Variants in ZNF518A observed in about 807,000 individuals in gnomAD.
The protein encoded by ZNF518A is zinc finger protein 518.
Under a neutral mutation model 102.7 loss-of-function variants are expected in ZNF518A, and 47 were observed. The ratio of observed to expected loss-of-function variants is 0.46; its 90% CI spans 0.36 to 0.58. ZNF518A has a LOEUF of 0.58. ZNF518A is among the 20% of genes least tolerant of loss of function. The pLI is 0.00. For missense variants in ZNF518A, 1,793 were observed against 1,699.8 expected (o/e 1.05, Z -0.96); for synonymous variants, 652 against 594.6 (o/e 1.10, Z -1.40).
intron 1 of ZNF518A, chr10:96,197,121 G>C (rs1554894903): frequency 3.5e-6 from 5 of 1,417,898 alleles, no homozygotes; most frequent in Non-Finnish European, 4.8e-6. Flanking sequence ...ATTTCTACAG[G>C]TTCAAAAAAT....
At chr10:96,197,149 C>A in intron 1 of ZNF518A, 1 of 991,826 alleles carries the variant, frequency 1.0e-6, no homozygotes, top group Non-Finnish European at 1.5e-6. Context: ...TGAAGAACAC[C>A]TATATTACAT....
downstream of ZNF518A, among the ~76,000 whole-genome samples, chr10:96,166,126 G>A (rs782725238): frequency 6.6e-6 from 1 of 152,170 alleles, no homozygotes; most frequent in African/African-American, 2.4e-5. Flanking sequence ...AGGCGTGGGG[G>A]GAGGAAGTTA....
intron 1 of ZNF518A, among the ~76,000 whole-genome samples, chr10:96,184,401 G>A (rs2083258516): frequency 6.6e-6 from 1 of 152,152 alleles, no homozygotes; most frequent in African/African-American, 2.4e-5. Context: ...TAGCATCTAT[G>A]GTCTTTACAA....
chr10:96,132,671 G>A lies in ZNF518A; in HGVS notation c.-368+1G>A, dbSNP rs2081397044. ...GTGCCTTTTGTTCCTGAAGAAAGAG[G>A]TATGGTAAAGATTGAAATACTGGAG... On this transcript the variant is annotated splice_donor_variant, in intron 2 of 5. Transcript: ENST00000316045. LOFTEE classifies it low-confidence loss of function (5UTR_SPLICE). 1 of 151,896 alleles carries A rather than the reference G, an allele frequency of 6.6e-6. No homozygotes were observed. The highest frequency in any genetic ancestry group is 2.4e-5 in the African/African-American group (1 of 41,370). 9.4% of individuals were successfully genotyped at this position (151,896 alleles called of 1,614,324 possible).
At chr10:96,187,974 T>C (rs1223221451) in intron 1 of ZNF518A, among the ~76,000 whole-genome samples, 1 of 152,120 alleles carries the variant, frequency 6.6e-6, no homozygotes, top group African/African-American at 2.4e-5. Context: ...GCCTCCTGAG[T>C]AGTAGCTGAA....
Position 96,161,340 on chromosome 10 carries a change from C to A in ZNF518A, c.*566C>A, listed in dbSNP as rs1427786927. On this transcript the variant is annotated 3_prime_UTR_variant, in exon 6 of 6. Coordinates refer to ENST00000316045, the MANE Select transcript of ZNF518A (RefSeq NM_001330736.2). ...TAACTCACTACAGTTACACCTCATA[C>A]AATGCTTGAAGAGTTTTTGGCAAGT... The A allele has an allele frequency of 2.4e-5, 4 of 166,958 alleles. No homozygotes were observed. The highest frequency in any genetic ancestry group is 6.5e-5 in the Admixed American group (1 of 15,270). The allele number at this position is 166,958 out of a possible 1,614,324, so 10.3% of individuals were successfully genotyped here.
chr10:96,197,086 C>A (rs2083486568), intron 1 of ZNF518A: 3 of 1,588,906 alleles, frequency 1.9e-6, no homozygotes, highest in African/African-American at 2.7e-5. Flanking sequence ...TTTTAAAAAA[C>A]ATAATTATGG....
chr10:96,152,315 T>C (rs1167398030), intron 3 of ZNF518A, among the ~76,000 whole-genome samples: 7 of 152,086 alleles, frequency 4.6e-5, no homozygotes, highest in African/African-American at 1.4e-4. Flanking sequence ...TGTCTCAAAA[T>C]AAATAAGTAA....
upstream of ZNF518A, chr10:96,129,941 G>T (rs2081235007): frequency 6.5e-6 from 1 of 152,700 alleles, no homozygotes; most frequent in South Asian, 2.1e-4. Flanking sequence ...GCCTAGTCTC[G>T]TCAGACCGAG....
intron 3 of ZNF518A, among the ~76,000 whole-genome samples, chr10:96,145,715 A>G (rs1180060249): frequency 6.6e-6 from 1 of 152,186 alleles, no homozygotes; most frequent in Non-Finnish European, 1.5e-5. Flanking sequence ...TCTGTTTTAT[A>G]CTGGCAGCAA....
At position 96,160,406 on chromosome 10, in the gene ZNF518A, A is replaced by G; in HGVS notation, c.4084A>G (p.Ser1362Gly). The change falls in exon 6 of 6, where the codon AGT becomes GGT. Residue 1362 changes from serine (S) to glycine (G), a missense_variant. By Grantham distance (56) the Ser-to-Gly change is moderately conservative. This residue lies in a region of ZNF518A where 1,741 missense variants were observed against 1,622.6 expected (regional missense o/e 1.07). Transcript: ENST00000316045. ...TGACGCAGATGCACCAGAAGTAGTA[A>G]GTGTAATGAAAACTATTGCTAAATT... ...HPDADAPEVV[S>G]VMKTIAKFNG... 2.5e-6 allele frequency: 4 copies of G among 1,613,146 alleles called. No individual in the cohort carries two copies. The highest frequency in any genetic ancestry group is 2.5e-6 in the Non-Finnish European group (3 of 1,179,530).
At chr10:96,167,030 A>T (rs782488731), downstream of ZNF518A, among the ~76,000 whole-genome samples, 4 of 152,242 alleles carry the variant, frequency 2.6e-5, no homozygotes, top group Non-Finnish European at 4.4e-5. Flanking sequence ...GTTACCTAAA[A>T]TGTCCAGTTT....
Position 96,158,313 on chromosome 10 carries a change from A to G in ZNF518A, c.1991A>G (p.Gln664Arg), listed in dbSNP as rs1313236339. Residue 664 changes from glutamine to arginine, a missense_variant, in exon 6 of 6, where the codon CAA (glutamine) becomes CGA (arginine). Transcript: ENST00000316045. ...GGAACAGCAGTGTATGAAAACCCTCAAAGAGAATCTTCATCCAGCAAAACA... is the reference window on the plus strand; with the variant it reads ...GGAACAGCAGTGTATGAAAACCCTCGAAGAGAATCTTCATCCAGCAAAACA... ...FSGTAVYENPQRESSSSKTVV... is the reference protein window; with the variant it reads ...FSGTAVYENPRRESSSSKTVV... The G allele has an allele frequency of 1.2e-6, 2 of 1,613,636 alleles. No homozygotes were observed. Among genetic ancestry groups the G allele is most frequent in the Admixed American group, 1.7e-5 (1 of 59,986 alleles).
intron 1 of ZNF518A, chr10:96,199,427 T>C: frequency 2.4e-6 from 1 of 422,280 alleles, no homozygotes; most frequent in Non-Finnish European, 4.8e-6. Context: ...AAATAGCCTG[T>C]CACTGTTCAC....
At chr10:96,138,678 G>A (rs1230442512) in intron 3 of ZNF518A, among the ~76,000 whole-genome samples, 2 of 151,988 alleles carry the variant, frequency 1.3e-5, no homozygotes, top group Non-Finnish European at 2.9e-5. Flanking sequence ...TGTTACCTCC[G>A]TGAGGGGAGG....
chr10:96,152,358 G>C (rs2082490213), intron 3 of ZNF518A, among the ~76,000 whole-genome samples: 1 of 152,186 alleles, frequency 6.6e-6, no homozygotes, highest in South Asian at 2.1e-4. Flanking sequence ...GTAGAGATTG[G>C]ACTGTAGTAA....
In ZNF518A at chr10:96,158,419, T is replaced by C; in HGVS notation, c.2097T>C (p.Ser699=). The change falls in exon 6 of 6, where the codon TCT becomes TCC. Residue 699 remains serine, a synonymous_variant. Coordinates refer to ENST00000316045, the MANE Select transcript of ZNF518A (RefSeq NM_001330736.2). The part of the protein sequence containing the change: ...ESSKPDSLLA[S]ISLLNDKDGT... The stretch of plus-strand genomic sequence containing the variant: ...CAAAACCAGATAGCCTATTAGCATC[T>C]ATTAGCCTTTTAAATGATAAAGATG... 1 of 1,613,442 alleles carries C rather than the reference T, an allele frequency of 6.2e-7. No individual in the cohort carries two copies. Among genetic ancestry groups the C allele is most frequent in the Non-Finnish European group, 8.5e-7 (1 of 1,179,704 alleles).
rs2082982511 is a variant in ZNF518A at position 96,161,110 on chromosome 10, G to A, written c.*336G>A. ...TAGTGACTCTTAGTAGAGGGTAATG[G>A]CTGACACCCCCATTCCCTCTCTTCT... is the stretch of plus-strand genomic sequence containing the variant. On this transcript the variant is annotated 3_prime_UTR_variant, in exon 6 of 6. Coordinates refer to ENST00000316045, the MANE Select transcript of ZNF518A (RefSeq NM_001330736.2). 1 of 188,878 alleles carries A rather than the reference G, an allele frequency of 5.3e-6. No individual in the cohort carries two copies. The highest frequency in any genetic ancestry group is 6.3e-5 in the Admixed American group (1 of 15,996). The allele number at this position is 188,878 out of a possible 1,614,324, so 11.7% of individuals were successfully genotyped here.
intron 3 of ZNF518A, among the ~76,000 whole-genome samples, chr10:96,154,164 C>G (rs909811224): frequency 6.6e-6 from 1 of 152,176 alleles, no homozygotes; most frequent in African/African-American, 2.4e-5. Context: ...AACCTCATCT[C>G]TACAAAAAAT....
Sources: gnomAD v4.1 joint callset for allele counts (sites outside exome capture counted in the v4.1 genomes callset) on GRCh38, gnomAD v4.1.1 for gene constraint, gnomAD v4.1.1 regional missense constraint, MANE v1.5 for transcripts, NCBI Gene and HGNC (gene_info 2026-07-23, HGNC 2026-07-21) for gene names.